Variants in UBASH3B observed in about 807,000 individuals in gnomAD.
UBASH3B encodes the protein ubiquitin associated and SH3 domain containing B.
Under a neutral mutation model 83.4 loss-of-function variants are expected in UBASH3B, and 37 were observed. The ratio of observed to expected loss-of-function variants is 0.44; its 90% CI spans 0.34 to 0.58. UBASH3B has a LOEUF of 0.58. Ranked by LOEUF, UBASH3B falls within the 20% of genes least tolerant of loss-of-function variation. The probability of loss-of-function intolerance (pLI) is 0.01; values close to 1 mark genes in which losing one functional copy is unlikely to be tolerated. For missense variants in UBASH3B, 657 were observed against 827.2 expected (o/e 0.79, Z 2.52); for synonymous variants, 304 against 318.3 (o/e 0.96, Z 0.48).
intron 1 of UBASH3B, among the ~76,000 whole-genome samples, chr11:122,769,705 C>T (rs557569645): frequency 5.9e-5 from 9 of 152,204 alleles, no homozygotes; most frequent in Non-Finnish European, 1.3e-4. Flanking sequence ...TCCAAATATA[C>T]CCCAAAAGAA....
chr11:122,782,965 A>G, intron 4 of UBASH3B, 88 bp from the exon 5 acceptor site: 2 of 1,458,640 alleles, frequency 1.4e-6, no homozygotes, highest in Admixed American at 2.3e-5. Flanking sequence ...AGAATTTCTC[A>G]GGGTACCTTT....
rs1045720304 is a variant in UBASH3B at position 122,655,942 on chromosome 11, C to A, written c.-108C>A. On this transcript the variant is annotated 5_prime_UTR_variant, in exon 1 of 14. Coordinates refer to ENST00000284273, the MANE Select transcript of UBASH3B (RefSeq NM_032873.5). Reference sequence around the variant, plus strand: ...CCGCCTCCGCTGCCGCCGCCTCCTGCCTGGCTCTGGGTCCCCGAGCCCCCT... The same window carrying A: ...CCGCCTCCGCTGCCGCCGCCTCCTGACTGGCTCTGGGTCCCCGAGCCCCCT... 1 of 1,211,778 alleles carries A rather than the reference C, an allele frequency of 8.3e-7. No individual in the cohort carries two copies. Among genetic ancestry groups the A allele is most frequent in the Non-Finnish European group, 1.1e-6 (1 of 926,372 alleles). The allele number at this position is 1,211,778 out of a possible 1,614,324, so 75.1% of individuals were successfully genotyped here.
intron 1 of UBASH3B, among the ~76,000 whole-genome samples, chr11:122,770,197 A>G (rs1860618533): frequency 6.6e-6 from 1 of 152,240 alleles, no homozygotes; most frequent in African/African-American, 2.4e-5. Flanking sequence ...AGTCAAGGAC[A>G]ATACAGCTCC....
At chr11:122,788,236 A>G (rs1860988530) in intron 5 of UBASH3B, among the ~76,000 whole-genome samples, 3 of 152,332 alleles carry the variant, frequency 2.0e-5, no homozygotes, top group East Asian at 1.9e-4. Context: ...CTATAGGTTT[A>G]AAGAAAACTC....
chr11:122,700,749 G>A (rs910307785), intron 1 of UBASH3B, among the ~76,000 whole-genome samples: 1 of 152,034 alleles, frequency 6.6e-6, no homozygotes, highest in South Asian at 2.1e-4. Context: ...CACCCTCCTC[G>A]GCCTCCCAAA....
At chr11:122,679,274 A>C (rs1457982033) in intron 1 of UBASH3B, among the ~76,000 whole-genome samples, 5 of 152,358 alleles carry the variant, frequency 3.3e-5, no homozygotes, top group Non-Finnish European at 7.3e-5. Flanking sequence ...GCACCAACGC[A>C]GTGTATTTGG....
chr11:122,800,885 G>T (rs1426472658), intron 10 of UBASH3B, among the ~76,000 whole-genome samples: 1 of 152,156 alleles, frequency 6.6e-6, no homozygotes, highest in African/African-American at 2.4e-5. Flanking sequence ...GGGATTACAG[G>T]TGTGAGCTAC....
chr11:122,781,149 T>G (rs6589952), intron 4 of UBASH3B, among the ~76,000 whole-genome samples: 147,149 of 151,846 alleles, frequency 0.97, 71,428 homozygotes, highest in Middle Eastern at 1. Context: ...TGGGGAGGGG[T>G]CCTCTTTAGA....
In UBASH3B at chr11:122,697,893, T is replaced by C. The variant is rs1052724359; in HGVS notation, c.161+41683T>C. On this transcript the variant is annotated intron_variant, in intron 1 of 13. Coordinates refer to ENST00000284273, the MANE Select transcript of UBASH3B (RefSeq NM_032873.5). The stretch of plus-strand genomic sequence containing the variant: ...AGGGGGAGTATATTTATATACCTCC[T>C]CATTTAATTCTCAAACAGCCTCCGG... Among the ~76,000 whole-genome samples the C allele has an allele frequency of 9.2e-5, 14 of 152,332 alleles. No individual in the cohort carries two copies. In the East Asian group the frequency reaches 1.9e-3, roughly 21 times the overall value.
chr11:122,719,871 G>C lies in UBASH3B; in HGVS notation c.162-56348G>C, dbSNP rs924891919. Among the ~76,000 whole-genome samples the C allele has an allele frequency of 1.2e-4, 18 of 152,278 alleles. No individual in the cohort carries two copies. In the East Asian group the frequency reaches 3.5e-3, roughly 29 times the overall value. ...TCCATCAGCAGCATTGGATGCAGGC[G>C]ATCAGTCCTCTCTCGATGCTTCCTT... On this transcript the variant is annotated intron_variant, in intron 1 of 13. Coordinates refer to ENST00000284273, the MANE Select transcript of UBASH3B (RefSeq NM_032873.5).
At chr11:122,683,936 T>G (rs984445913) in intron 1 of UBASH3B, among the ~76,000 whole-genome samples, 3 of 152,202 alleles carry the variant, frequency 2.0e-5, no homozygotes, top group Non-Finnish European at 2.9e-5. Context: ...TTATGCTGAT[T>G]GCAGCCCTGG....
At chr11:122,732,509 G>T (rs1481977379) in intron 1 of UBASH3B, among the ~76,000 whole-genome samples, 1 of 152,212 alleles carries the variant, frequency 6.6e-6, no homozygotes, top group East Asian at 1.9e-4. Context: ...TCCTAATGGA[G>T]ACACAGGAAT....
Position 122,676,114 on chromosome 11 carries a change from A to AT in UBASH3B, c.161+19909dup, listed in dbSNP as rs577708725. Among the ~76,000 whole-genome samples the AT allele has an allele frequency of 2.0e-5, 3 of 152,158 alleles. No individual in the cohort carries two copies. In the South Asian group the frequency reaches 6.2e-4, roughly 32 times the overall value. On this transcript the variant is annotated intron_variant, in intron 1 of 13. Coordinates refer to ENST00000284273, the MANE Select transcript of UBASH3B (RefSeq NM_032873.5). ...GCCCTTGTAAGATTTCATTAAAAAA[A>AT]TTTTTGGCTGGGTGTGGTGGCTCAG...
chr11:122,787,424 C>T (rs566376915), intron 5 of UBASH3B, among the ~76,000 whole-genome samples: 25 of 152,112 alleles, frequency 1.6e-4, no homozygotes, highest in Non-Finnish European at 3.1e-4. Flanking sequence ...AAACAGGTGC[C>T]CTACATAAAA....
chr11:122,712,746 C>T (rs541334450), intron 1 of UBASH3B, among the ~76,000 whole-genome samples: 3 of 152,212 alleles, frequency 2.0e-5, no homozygotes, highest in Non-Finnish European at 2.9e-5. Flanking sequence ...TAGAACTCCA[C>T]TACCAAGTGC....
chr11:122,796,239 T>C lies in UBASH3B; in HGVS notation c.1197T>C (p.Phe399=). The change falls in exon 8 of 14, where the codon TTT becomes TTC. Residue 399 remains phenylalanine (F), a synonymous_variant. Coordinates refer to ENST00000284273, the MANE Select transcript of UBASH3B (RefSeq NM_032873.5). ...ATGGTGAGAGGATGGATGTTGTGTT[T>C]GGGAAGTACTGGCTGTCCCAGTGCT... is the stretch of plus-strand genomic sequence containing the variant. ...CRHGERMDVV[F]GKYWLSQCFD... 1 of 1,614,154 alleles carries C rather than the reference T, an allele frequency of 6.2e-7. No individual in the cohort carries two copies. Among genetic ancestry groups the C allele is most frequent in the Non-Finnish European group, 8.5e-7 (1 of 1,180,002 alleles).
At chr11:122,733,273 C>T (rs530878550) in intron 1 of UBASH3B, among the ~76,000 whole-genome samples, 2 of 152,304 alleles carry the variant, frequency 1.3e-5, no homozygotes, top group African/African-American at 4.8e-5. Flanking sequence ...CAGATCATCA[C>T]GAATACAAAG....
intron 4 of UBASH3B, 196 bp from the exon 5 acceptor site, chr11:122,782,857 A>G: frequency 1.6e-6 from 1 of 644,570 alleles, no homozygotes. Context: ...TCTCTTGAAC[A>G]GTGGCTTGAT....
intron 11 of UBASH3B, among the ~76,000 whole-genome samples, chr11:122,802,314 A>C (rs12789421): frequency 1.5e-5 from 1 of 68,022 alleles, no homozygotes; most frequent in Non-Finnish European, 2.5e-5. Context: ...ACTCTGTCTG[A>C]AAAAAAAAAA....
Sources: allele counts gnomAD v4.1 joint callset (sites outside exome capture counted in the v4.1 genomes callset), GRCh38; gene constraint gnomAD v4.1.1; transcripts MANE v1.5; gene names NCBI Gene and HGNC (gene_info 2026-07-23, HGNC 2026-07-21).